ATP8B1: variants seen among roughly 807,000 people sequenced by gnomAD.
The protein encoded by ATP8B1 is phospholipid-transporting ATPase IC.
Under a neutral mutation model 149.9 loss-of-function variants are expected in ATP8B1, and 80 were observed. The observed-to-expected ratio is 0.53, with a 90% confidence interval of 0.45 to 0.64. The LOEUF (loss-of-function observed/expected upper bound fraction) is 0.64. ATP8B1 is among the 30% of genes least tolerant of loss of function. ATP8B1 has a pLI of 0.00. For missense variants in ATP8B1, 1,247 were observed against 1,552.6 expected (o/e 0.80, Z 3.31); for synonymous variants, 536 against 562.8 (o/e 0.95, Z 0.67).
At position 57,802,979 on chromosome 18, in the gene ATP8B1, G is replaced by A. The variant is rs1469602464; in HGVS notation, c.-26+19C>T. ...GCTTGGGAAGGTCTGGGGGCCCCCG[G>A]CGCCGCACCCCTGCTTACCTGGCGT... On this transcript the variant is annotated intron_variant, in intron 1 of 27. Transcript: ENST00000648908. The surrounding 1 kb of genome is among the most constrained non-coding windows in gnomAD (Gnocchi z 4.9). The A allele has an allele frequency of 6.6e-6, 1 of 152,190 alleles. No individual in the cohort carries two copies. Among genetic ancestry groups the A allele is most frequent in the Non-Finnish European group, 1.5e-5 (1 of 68,092 alleles). 9.4% of individuals were successfully genotyped at this position (152,190 alleles called of 1,614,324 possible).
intron 1 of ATP8B1, among the ~76,000 whole-genome samples, chr18:57,732,273 ATATATGTG>A: frequency 3.6e-5 from 1 of 27,532 alleles, no homozygotes; most frequent in African/African-American, 9.9e-5. Flanking sequence ...GTATATATGT[ATATATGTG>A]TATATATGTA....
At chr18:57,660,640 T>A (rs946106846) in intron 22 of ATP8B1, among the ~76,000 whole-genome samples, 1 of 152,156 alleles carries the variant, frequency 6.6e-6, no homozygotes, top group Non-Finnish European at 1.5e-5. Flanking sequence ...TGCCTCAGCC[T>A]CCCGAGTAGC....
chr18:57,711,781 G>A (rs1392664027), intron 2 of ATP8B1, among the ~76,000 whole-genome samples: 2 of 152,166 alleles, frequency 1.3e-5, no homozygotes, highest in African/African-American at 2.4e-5. Flanking sequence ...GTAAAGATGA[G>A]GTCTTGCTTT....
intron 1 of ATP8B1, among the ~76,000 whole-genome samples, chr18:57,756,295 G>A (rs367616972): frequency 0.72 from 76,852 of 106,734 alleles, 29,862 homozygotes; most frequent in Middle Eastern, 0.85. Context: ...ATATGTGTGT[G>A]TGTATGTATA....
chr18:57,734,962 T>C (rs1226063438), intron 1 of ATP8B1, among the ~76,000 whole-genome samples: 1 of 152,160 alleles, frequency 6.6e-6, no homozygotes, highest in African/African-American at 2.4e-5. Context: ...TAAATGCTAA[T>C]TAGGCAAAAA....
At chr18:57,792,322 A>G (rs2080470914) in intron 1 of ATP8B1, among the ~76,000 whole-genome samples, 1 of 152,020 alleles carries the variant, frequency 6.6e-6, no homozygotes, top group Admixed American at 6.6e-5. Flanking sequence ...TTTTACAATT[A>G]AAAAGAATTG....
intron 1 of ATP8B1, among the ~76,000 whole-genome samples, chr18:57,788,864 T>C (rs924327623): frequency 3.3e-5 from 5 of 152,232 alleles, no homozygotes; most frequent in Non-Finnish European, 7.3e-5. Flanking sequence ...ACCAGGCTGC[T>C]GTTTATTACA....
intron 1 of ATP8B1, among the ~76,000 whole-genome samples, chr18:57,775,087 G>T (rs530205017): frequency 6.6e-6 from 1 of 152,294 alleles, no homozygotes; most frequent in Admixed American, 6.5e-5. Context: ...GCCAAGAGGG[G>T]TGCACTGCTT....
intron 1 of ATP8B1, among the ~76,000 whole-genome samples, chr18:57,785,379 T>C (rs147442762): frequency 2.0e-5 from 3 of 152,398 alleles, no homozygotes; most frequent in East Asian, 3.9e-4. Flanking sequence ...GTCCTTTTTT[T>C]CCTAAGTAGA....
At chr18:57,689,971 G>A (rs1056373978) in intron 12 of ATP8B1, among the ~76,000 whole-genome samples, 3 of 152,228 alleles carry the variant, frequency 2.0e-5, no homozygotes, top group African/African-American at 7.2e-5. Flanking sequence ...AGCTGAGATC[G>A]CGCGACTGCA....
chr18:57,735,922 GCC>G (rs2079847808), intron 1 of ATP8B1, among the ~76,000 whole-genome samples: 1 of 151,970 alleles, frequency 6.6e-6, no homozygotes, highest in Non-Finnish European at 1.5e-5. Context: ...TAGGTTTTAA[GCC>G]CTGCATGCAT....
At chr18:57,753,995 A>C (rs952880384) in intron 1 of ATP8B1, among the ~76,000 whole-genome samples, 12 of 151,876 alleles carry the variant, frequency 7.9e-5, no homozygotes, top group Non-Finnish European at 1.8e-4. Context: ...ATATTTAATA[A>C]AGTGAAAATG....
At chr18:57,656,171 T>C (rs1909981318) in intron 22 of ATP8B1, among the ~76,000 whole-genome samples, 1 of 152,092 alleles carries the variant, frequency 6.6e-6, no homozygotes, top group African/African-American at 2.4e-5. Context: ...CTGTAGACCA[T>C]CCAGAGCTTT....
chr18:57,726,973 G>A (rs1344859339), intron 2 of ATP8B1, among the ~76,000 whole-genome samples: 5 of 152,182 alleles, frequency 3.3e-5, no homozygotes, highest in African/African-American at 7.2e-5. Context: ...CCAGCTACTC[G>A]GGAGGCTGAG....
At chr18:57,779,200 A>G (rs1461305546) in intron 1 of ATP8B1, among the ~76,000 whole-genome samples, 1 of 152,048 alleles carries the variant, frequency 6.6e-6, no homozygotes, top group Non-Finnish European at 1.5e-5. Flanking sequence ...TTGTGGTCCC[A>G]GCTACTCGGG....
intron 1 of ATP8B1, among the ~76,000 whole-genome samples, chr18:57,777,823 G>T (rs2080318830): frequency 1.3e-5 from 2 of 152,194 alleles, no homozygotes; most frequent in Non-Finnish European, 2.9e-5. Context: ...TCCTACCTTG[G>T]CTTCCCAAAG....
chr18:57,727,529 G>A (rs2079720602), intron 2 of ATP8B1, among the ~76,000 whole-genome samples: 1 of 152,266 alleles, frequency 6.6e-6, no homozygotes, highest in East Asian at 1.9e-4. Context: ...GGTAGCTCAC[G>A]CCTATAATCC....
chr18:57,701,671 G>A (rs1196247564), intron 4 of ATP8B1, among the ~76,000 whole-genome samples: 4 of 152,068 alleles, frequency 2.6e-5, no homozygotes, highest in Non-Finnish European at 5.9e-5. Flanking sequence ...GGAGTGGCAA[G>A]GGAGAAGTCT....
At chr18:57,651,778 T>C (rs545850474) in intron 26 of ATP8B1, among the ~76,000 whole-genome samples, 1 of 151,882 alleles carries the variant, frequency 6.6e-6, no homozygotes, top group South Asian at 2.1e-4. Flanking sequence ...ACTACAGGCA[T>C]GTGCCACCAT....
Sources: allele counts gnomAD v4.1 joint callset (sites outside exome capture counted in the v4.1 genomes callset), GRCh38; gene constraint gnomAD v4.1.1; non-coding constraint Gnocchi (gnomAD v3.1); transcripts MANE v1.5; gene names NCBI Gene and HGNC (gene_info 2026-07-23, HGNC 2026-07-21).